The following CSMD1 variants were observed in gnomAD, a reference collection of about 807,000 sequenced individuals.
CSMD1 encodes CUB and Sushi multiple domains 1, also known as CUB and sushi domain-containing protein 1.
Under a neutral mutation model 417.5 loss-of-function variants are expected in CSMD1, and 213 were observed. That is an observed-to-expected ratio of 0.51 (90% confidence interval 0.46 to 0.57). CSMD1 has a LOEUF of 0.57. Among genes scored for constraint, CSMD1 ranks in the 20% least tolerant of loss-of-function variants. The pLI is 0.00. For synonymous variants in CSMD1, 2,862 were observed against 1,736.8 expected, an observed-to-expected ratio of 1.65 and a Z score of -16.11; for missense variants, 6,923 against 4,529.7, an observed-to-expected ratio of 1.53 and a Z score of -15.17.
chr8:4,916,568 C>T (rs1033708887), intron 1 of CSMD1, among the ~76,000 whole-genome samples: 7 of 152,166 alleles, frequency 4.6e-5, no homozygotes, highest in African/African-American at 1.7e-4. Flanking sequence ...TCAAATACTG[C>T]CCTGCTCAAT....
chr8:3,959,492 C>A (rs1438869478), intron 5 of CSMD1, among the ~76,000 whole-genome samples: 7 of 152,148 alleles, frequency 4.6e-5, no homozygotes, highest in Non-Finnish European at 1.0e-4. Context: ...GAGCGAGACT[C>A]CGTCAAGAAA....
At chr8:4,604,381 T>TTGTGTG (rs368710127) in intron 2 of CSMD1, among the ~76,000 whole-genome samples, 3,266 of 91,582 alleles carry the variant, frequency 0.036, 62 homozygotes, top group African/African-American at 0.056. Context: ...ACAAATAGCA[T>TTGTGTG]TGTGTGTGTG....
intron 41 of CSMD1, among the ~76,000 whole-genome samples, chr8:3,132,985 T>C (rs1181929026): frequency 6.6e-6 from 1 of 152,220 alleles, no homozygotes; most frequent in East Asian, 1.9e-4. Context: ...TCCGTTCACC[T>C]GGGAGGAACC....
intron 39 of CSMD1, among the ~76,000 whole-genome samples, chr8:3,152,109 C>G (rs1819233524): frequency 6.6e-6 from 1 of 152,206 alleles, no homozygotes; most frequent in Admixed American, 6.5e-5. Flanking sequence ...TGTCAGATAG[C>G]TTTTCAATTT....
chr8:3,420,141 A>C (rs1462343200), intron 12 of CSMD1, among the ~76,000 whole-genome samples: 1 of 152,186 alleles, frequency 6.6e-6, no homozygotes, highest in Non-Finnish European at 1.5e-5. Flanking sequence ...TCAACTTAAG[A>C]AAAGCCAAGC....
intron 7 of CSMD1, among the ~76,000 whole-genome samples, chr8:3,684,389 C>T (rs1799831743): frequency 6.8e-6 from 1 of 146,832 alleles, no homozygotes; most frequent in Non-Finnish European, 1.5e-5. Context: ...AAATGTATAA[C>T]ATATAAGTAC....
At chr8:4,381,346 G>C (rs1195258822) in intron 3 of CSMD1, among the ~76,000 whole-genome samples, 1 of 152,120 alleles carries the variant, frequency 6.6e-6, no homozygotes, top group African/African-American at 2.4e-5. Flanking sequence ...CAATGGATGA[G>C]GCATCTGGTG....
intron 2 of CSMD1, among the ~76,000 whole-genome samples, chr8:4,435,918 A>T (rs1216678426): frequency 3.9e-5 from 6 of 152,174 alleles, no homozygotes; most frequent in Admixed American, 3.3e-4. Context: ...GACGGAAAAT[A>T]ATTAGAATTT....
At chr8:3,926,437 C>T (rs531060640) in intron 5 of CSMD1, among the ~76,000 whole-genome samples, 2 of 149,614 alleles carry the variant, frequency 1.3e-5, no homozygotes, top group South Asian at 4.2e-4. Context: ...AATATAGAGT[C>T]TGTTATAAAT....
chr8:3,308,892 T>A (rs1389028799), intron 23 of CSMD1, among the ~76,000 whole-genome samples: 1 of 151,858 alleles, frequency 6.6e-6, no homozygotes, highest in Non-Finnish European at 1.5e-5. Flanking sequence ...TCCAGCTAAT[T>A]TTTTGTATTT....
chr8:3,906,287 C>T (rs1435522524), intron 5 of CSMD1, among the ~76,000 whole-genome samples: 1 of 106,242 alleles, frequency 9.4e-6, no homozygotes, highest in African/African-American at 2.5e-5. Flanking sequence ...AATCAATTGT[C>T]ATAGGGAAAA....
At chr8:4,002,085 A>C (rs1815725085) in intron 4 of CSMD1, among the ~76,000 whole-genome samples, 1 of 152,200 alleles carries the variant, frequency 6.6e-6, no homozygotes, top group Admixed American at 6.5e-5. Context: ...CTGATTGATT[A>C]ATTGAATATT....
intron 6 of CSMD1, among the ~76,000 whole-genome samples, chr8:3,722,013 G>A (rs1315180846): frequency 6.6e-6 from 1 of 152,134 alleles, no homozygotes; most frequent in Non-Finnish European, 1.5e-5. Flanking sequence ...CATGGGTGGA[G>A]TTGGCACAGG....
chr8:3,417,215 G>A (rs780036302), intron 12 of CSMD1, among the ~76,000 whole-genome samples: 1 of 152,188 alleles, frequency 6.6e-6, no homozygotes, highest in African/African-American at 2.4e-5. Context: ...GTACTATGAT[G>A]ATGTTCCATA....
At chr8:4,195,677 G>C (rs914102731) in intron 3 of CSMD1, among the ~76,000 whole-genome samples, 17 of 152,180 alleles carry the variant, frequency 1.1e-4, no homozygotes, top group Admixed American at 2.6e-4. Context: ...AGCAGAGGCT[G>C]TGTTGAAGAA....
intron 3 of CSMD1, among the ~76,000 whole-genome samples, chr8:4,148,803 G>A (rs545707008): frequency 1.7e-4 from 26 of 152,288 alleles, no homozygotes; most frequent in African/African-American, 5.5e-4. Flanking sequence ...GCATTGGGAA[G>A]GGATGTCATG....
intron 8 of CSMD1, among the ~76,000 whole-genome samples, chr8:3,604,980 A>T (rs1451577307): frequency 6.6e-6 from 1 of 152,144 alleles, no homozygotes; most frequent in Non-Finnish European, 1.5e-5. Flanking sequence ...TAAAAAAATG[A>T]TTCAATAACA....
chr8:4,208,551 C>A (rs908878624), intron 3 of CSMD1, among the ~76,000 whole-genome samples: 6 of 152,132 alleles, frequency 3.9e-5, no homozygotes, highest in Non-Finnish European at 7.4e-5. Context: ...ACTTCAATAT[C>A]AGATTGACTT....
chr8:4,233,497 A>G (rs1423785134), intron 3 of CSMD1, among the ~76,000 whole-genome samples: 1 of 152,148 alleles, frequency 6.6e-6, no homozygotes, highest in Admixed American at 6.6e-5. Flanking sequence ...GCTTTCATGA[A>G]CGGGATTAGT....
Sources: gnomAD v4.1 joint callset for allele counts (sites outside exome capture counted in the v4.1 genomes callset) on GRCh38, gnomAD v4.1.1 for gene constraint, MANE v1.5 for transcripts, NCBI Gene and HGNC (gene_info 2026-07-23, HGNC 2026-07-21) for gene names.